CMTM8: variants seen among roughly 807,000 people sequenced by gnomAD.
CMTM8 encodes CKLF-like MARVEL transmembrane domain-containing protein 8.
Under a neutral mutation model 18.6 loss-of-function variants are expected in CMTM8, and 12 were observed. That is an observed-to-expected ratio of 0.65 (90% CI 0.41 to 1.05). The LOEUF (loss-of-function observed/expected upper bound fraction) is 1.05. Ranked by LOEUF, CMTM8 falls within the 50% of genes least tolerant of loss-of-function variation. CMTM8 has a pLI of 0.00. For synonymous variants in CMTM8, 87 were observed against 90.6 expected (o/e 0.96, Z 0.23); for missense variants, 217 against 227.2 (o/e 0.95, Z 0.29).
chr3:32,328,148 G>A (rs954640040), intron 1 of CMTM8, among the ~76,000 whole-genome samples: 5 of 152,148 alleles, frequency 3.3e-5, no homozygotes, highest in East Asian at 1.9e-4. Flanking sequence ...CCCAAGGCAC[G>A]TGGATCACTT....
intron 1 of CMTM8, among the ~76,000 whole-genome samples, chr3:32,261,119 G>T (rs1227396599): frequency 1.3e-5 from 2 of 151,648 alleles, no homozygotes; most frequent in Admixed American, 1.3e-4. Flanking sequence ...ACACTTGGGA[G>T]GCTGAGGCAG....
At chr3:32,355,883 T>C (rs1036438486) in intron 1 of CMTM8, among the ~76,000 whole-genome samples, 1 of 152,222 alleles carries the variant, frequency 6.6e-6, no homozygotes, top group Non-Finnish European at 1.5e-5. Context: ...TGCTTCTGTC[T>C]CGCTAGTGCT....
At chr3:32,322,362 A>G (rs1396786242) in intron 1 of CMTM8, among the ~76,000 whole-genome samples, 1 of 152,108 alleles carries the variant, frequency 6.6e-6, no homozygotes, top group African/African-American at 2.4e-5. Context: ...TAATTACAAG[A>G]GCATTTGGAG....
At chr3:32,239,868 C>CTT (rs1701924013) in intron 1 of CMTM8, among the ~76,000 whole-genome samples, 1 of 152,154 alleles carries the variant, frequency 6.6e-6, no homozygotes, top group South Asian at 2.1e-4. Flanking sequence ...TTGTCAAGCC[C>CTT]TTTAGATGTC....
chr3:32,334,316 T>C (rs955158943), intron 1 of CMTM8, among the ~76,000 whole-genome samples: 2 of 151,072 alleles, frequency 1.3e-5, no homozygotes, highest in Non-Finnish European at 2.9e-5. Flanking sequence ...CTCTAAAAAA[T>C]AGTCTATTGA....
In CMTM8 at chr3:32,330,538, A is replaced by G. The variant is rs981719844; in HGVS notation, c.148-26835A>G. ...ATAAAACAAAGCTACAGTAATCAAA[A>G]TAGTATGGTACTGGCATAAAGATAG... On this transcript the variant is annotated intron_variant, in intron 1 of 3. Coordinates refer to ENST00000307526, the MANE Select transcript of CMTM8 (RefSeq NM_178868.5). Among the ~76,000 whole-genome samples, 7 of 152,308 alleles carry G rather than the reference A, an allele frequency of 4.6e-5. 1 individual carries two copies. Among genetic ancestry groups the G allele is most frequent in the Middle Eastern group, 6.8e-3 (2 of 294 alleles).
chr3:32,263,783 A>G (rs955070190), intron 1 of CMTM8, among the ~76,000 whole-genome samples: 8 of 152,364 alleles, frequency 5.3e-5, no homozygotes, highest in South Asian at 2.1e-4. Context: ...AAACCACGGC[A>G]CGAGAACTAC....
chr3:32,253,444 A>C (rs1220352955), intron 1 of CMTM8, among the ~76,000 whole-genome samples: 1 of 150,382 alleles, frequency 6.6e-6, no homozygotes, highest in Non-Finnish European at 1.5e-5. Context: ...TCTAAGGTTC[A>C]AGTGATTCTC....
chr3:32,353,784 AT>A lies in CMTM8; in HGVS notation c.148-3571del, dbSNP rs10648596. Among the ~76,000 whole-genome samples, 567 of 134,022 alleles carry A rather than the reference AT, an allele frequency of 4.2e-3. 4 individuals carry two copies. Among genetic ancestry groups the A allele is most frequent in the African/African-American group, 0.012 (450 of 36,472 alleles). The allele number at this position is 134,022 out of a possible 152,430, so 87.9% of individuals were successfully genotyped here. ...CATTTCTTAATATACTTCTGTGTTA[AT>A]TTTTTTTTTTTTTTTTTGAGACGGA... On this transcript the variant is annotated intron_variant, in intron 1 of 3. Transcript: ENST00000307526.
rs1559392389 is a variant in CMTM8 at position 32,367,917 on chromosome 3, GC to G, written c.368del (p.Ala123ValfsTer3). 1.2e-6 allele frequency: 2 copies of G among 1,614,080 alleles called. No homozygotes were observed. The highest frequency in any genetic ancestry group is 1.7e-6 in the Non-Finnish European group (2 of 1,179,994). On this transcript the variant is annotated frameshift_variant, in exon 3 of 4. Coordinates refer to ENST00000307526, the MANE Select transcript of CMTM8 (RefSeq NM_178868.5). LOFTEE classifies it high-confidence loss of function. Reference sequence around the variant, plus strand: ...TGCCTTCGTCTTGTACCTCTCTGCCGCTGTTGTAGATGCATCTTCCGTCTCC... The same window carrying G: ...TGCCTTCGTCTTGTACCTCTCTGCCGTGTTGTAGATGCATCTTCCGTCTCC... The part of the protein sequence containing the change: ...GSAFVLYLSA[A>X]VVDASSVSPE...
At chr3:32,284,023 G>T (rs929255733) in intron 1 of CMTM8, among the ~76,000 whole-genome samples, 1 of 152,228 alleles carries the variant, frequency 6.6e-6, no homozygotes, top group African/African-American at 2.4e-5. Context: ...GAGCCGAGGT[G>T]GGCGGATCAC....
rs1345633209 is a variant in CMTM8 at position 32,239,113 on chromosome 3, C to G, written c.141C>G (p.Ala47=). 3.8e-6 allele frequency: 6 copies of G among 1,598,270 alleles called. No individual in the cohort carries two copies. In the African/African-American group the frequency reaches 5.4e-5, roughly 14 times the overall value. The change falls in exon 1 of 4, where the codon GCC becomes GCG. Residue 47 remains alanine (A), a synonymous_variant. Transcript: ENST00000307526. ...CCCTGCCCGGCTTCCTCATCGTGGCCGAGATCGTGAGTGCCGACGGGCCGG... is the reference window on the plus strand; with the variant it reads ...CCCTGCCCGGCTTCCTCATCGTGGCGGAGATCGTGAGTGCCGACGGGCCGG... ...LRTLPGFLIV[A]EIVLGLLVWT...
chr3:32,369,845 G>A, intron 3 of CMTM8, 39 bp from the exon 4 acceptor site: 1 of 1,365,528 alleles, frequency 7.3e-7, no homozygotes, highest in Non-Finnish European at 1.0e-6. Context: ...ATTAGGATGT[G>A]CCCTAAACCC....
chr3:32,305,596 G>A (rs887180418), intron 1 of CMTM8, among the ~76,000 whole-genome samples: 2 of 152,190 alleles, frequency 1.3e-5, no homozygotes, highest in African/African-American at 4.8e-5. Context: ...TCATCTACGA[G>A]CCTTAATGAT....
chr3:32,294,308 C>T (rs2125558341), intron 1 of CMTM8, among the ~76,000 whole-genome samples: 1 of 152,076 alleles, frequency 6.6e-6, no homozygotes, highest in African/African-American at 2.4e-5. Flanking sequence ...GTCAGGAATG[C>T]TCTTCCATTT....
chr3:32,344,191 T>C (rs976743571), intron 1 of CMTM8, among the ~76,000 whole-genome samples: 1 of 152,168 alleles, frequency 6.6e-6, no homozygotes, highest in Non-Finnish European at 1.5e-5. Context: ...TGATTTAAAA[T>C]CTAATGAGGT....
chr3:32,358,816 T>C lies in CMTM8; in HGVS notation c.321+1270T>C, dbSNP rs890485367. 3.3e-5 allele frequency among the ~76,000 whole-genome samples: 5 copies of C among 152,194 alleles called. No individual in the cohort carries two copies. Among genetic ancestry groups the C allele is most frequent in the African/African-American group, 9.7e-5 (4 of 41,446 alleles). On this transcript the variant is annotated intron_variant, in intron 2 of 3. Coordinates refer to ENST00000307526, the MANE Select transcript of CMTM8 (RefSeq NM_178868.5). This position sits in a 1 kb window ranked among gnomAD's most constrained non-coding sequence, Gnocchi z 4.1. The stretch of plus-strand genomic sequence containing the variant: ...TCTAGGGTGGTGGAAACAGCCTTGT[T>C]AGAATTGGTGTTTTGCTGCCTCAGA...
At chr3:32,303,842 G>A (rs947803228) in intron 1 of CMTM8, among the ~76,000 whole-genome samples, 36 of 152,144 alleles carry the variant, frequency 2.4e-4, no homozygotes, top group African/African-American at 8.7e-4. Context: ...TATTCCCTAG[G>A]TATTTCAGTA....
intron 1 of CMTM8, among the ~76,000 whole-genome samples, chr3:32,345,751 A>C (rs1182899825): frequency 1.3e-5 from 2 of 152,258 alleles, no homozygotes; most frequent in African/African-American, 4.8e-5. Flanking sequence ...GTGTTCTGGA[A>C]GACGGTTCTG....
Sources: gnomAD v4.1 joint callset for allele counts (sites outside exome capture counted in the v4.1 genomes callset) on GRCh38, gnomAD v4.1.1 for gene constraint, Gnocchi (gnomAD v3.1) non-coding constraint, MANE v1.5 for transcripts, NCBI Gene and HGNC (gene_info 2026-07-23, HGNC 2026-07-21) for gene names.